Variants in RBMS3 observed in about 807,000 individuals in gnomAD.
RBMS3 encodes the protein RNA-binding motif, single-stranded-interacting protein 3.
Under a neutral mutation model 66.8 loss-of-function variants are expected in RBMS3, and 27 were observed. That is an observed-to-expected ratio of 0.40 (90% CI 0.30 to 0.56). The LOEUF (loss-of-function observed/expected upper bound fraction) is 0.56, where lower values mean the gene tolerates loss of function less well. RBMS3 is among the 20% of genes least tolerant of loss of function. RBMS3 has a pLI of 0.40. For missense variants in RBMS3, 513 were observed against 549.5 expected (o/e 0.93, Z 0.66); for synonymous variants, 188 against 183.0 (o/e 1.03, Z -0.22).
intron 2 of RBMS3, among the ~76,000 whole-genome samples, chr3:29,478,655 A>T (rs1259587924): frequency 6.6e-6 from 1 of 152,220 alleles, no homozygotes; most frequent in Non-Finnish European, 1.5e-5. Flanking sequence ...TGCAGATTTA[A>T]TGGAGTTTTC....
intron 4 of RBMS3, among the ~76,000 whole-genome samples, chr3:29,652,633 T>G (rs1169729320): frequency 2.0e-5 from 3 of 152,108 alleles, no homozygotes; most frequent in Non-Finnish European, 4.4e-5. Flanking sequence ...GTTTCTAAAT[T>G]GATCCATGCA....
At chr3:29,477,942 T>A (rs1450734163) in intron 2 of RBMS3, among the ~76,000 whole-genome samples, 2 of 151,970 alleles carry the variant, frequency 1.3e-5, no homozygotes, top group African/African-American at 2.4e-5. Flanking sequence ...AGTTTTGTAT[T>A]TTTTTCTGTA....
intron 10 of RBMS3, among the ~76,000 whole-genome samples, chr3:29,900,589 G>A (rs1461090279): frequency 6.6e-6 from 1 of 151,688 alleles, no homozygotes; most frequent in Non-Finnish European, 1.5e-5. Context: ...GAGGGTGTGA[G>A]GCAGGGGAAA....
chr3:29,829,079 C>A (rs1006531638), intron 6 of RBMS3, among the ~76,000 whole-genome samples: 2 of 151,398 alleles, frequency 1.3e-5, no homozygotes, highest in Non-Finnish European at 2.9e-5. Context: ...GAGTCTCACT[C>A]TGTCACCCAG....
At chr3:29,472,798 C>T (rs998819694) in intron 2 of RBMS3, among the ~76,000 whole-genome samples, 2 of 152,106 alleles carry the variant, frequency 1.3e-5, no homozygotes, top group Non-Finnish European at 2.9e-5. Flanking sequence ...GAGTGAGCAG[C>T]AGCAAGATTT....
chr3:29,352,913 A>G (rs1218790016), intron 1 of RBMS3, among the ~76,000 whole-genome samples: 1 of 148,868 alleles, frequency 6.7e-6, no homozygotes, highest in African/African-American at 2.5e-5. Context: ...ACTGTAAATG[A>G]CATACATTCA....
chr3:29,391,028 T>A, intron 1 of RBMS3: 1 of 393,170 alleles, frequency 2.5e-6, no homozygotes, highest in Non-Finnish European at 5.5e-6. Flanking sequence ...GCTTTGTATG[T>A]CAAGTTGGTG....
intron 1 of RBMS3, among the ~76,000 whole-genome samples, chr3:29,360,673 T>C (rs1233210428): frequency 1.3e-5 from 2 of 152,032 alleles, no homozygotes. Flanking sequence ...TATTATTGTG[T>C]GGGAGTCTAA....
chr3:29,945,612 T>C (rs1194483519), intron 12 of RBMS3, among the ~76,000 whole-genome samples: 1 of 151,780 alleles, frequency 6.6e-6, no homozygotes, highest in Non-Finnish European at 1.5e-5. Context: ...ACATCTACTC[T>C]TGGTAATTTA....
At chr3:29,635,192 A>G (rs1287567120) in intron 4 of RBMS3, among the ~76,000 whole-genome samples, 1 of 151,792 alleles carries the variant, frequency 6.6e-6, no homozygotes, top group Non-Finnish European at 1.5e-5. Flanking sequence ...TTTCCATATC[A>G]AATCTTTCTC....
intron 4 of RBMS3, among the ~76,000 whole-genome samples, chr3:29,594,669 G>A (rs945982078): frequency 3.9e-5 from 6 of 152,198 alleles, no homozygotes; most frequent in African/African-American, 1.2e-4. Flanking sequence ...TCTTTTACAT[G>A]TCTATAAAAT....
chr3:29,479,733 G>A lies in RBMS3; in HGVS notation c.249-8708G>A, dbSNP rs78397410. Among the ~76,000 whole-genome samples the A allele has an allele frequency of 4.8e-3, 729 of 152,268 alleles. 8 individuals carry two copies. The highest frequency in any genetic ancestry group is 0.017 in the African/African-American group (697 of 41,552). On this transcript the variant is annotated intron_variant, in intron 2 of 14. Transcript: ENST00000383767. Reference sequence around the variant, plus strand: ...AGATTCTTCAGGCTCAGTCAGCTTGGAAATTTTTTTATTTTTCCTTTGCAT... The same window carrying A: ...AGATTCTTCAGGCTCAGTCAGCTTGAAAATTTTTTTATTTTTCCTTTGCAT...
intron 3 of RBMS3, among the ~76,000 whole-genome samples, chr3:29,544,889 G>C (rs1231841127): frequency 1.3e-5 from 2 of 152,078 alleles, no homozygotes; most frequent in Non-Finnish European, 2.9e-5. Flanking sequence ...AACTATATAT[G>C]CTAATAAAGG....
intron 6 of RBMS3, among the ~76,000 whole-genome samples, chr3:29,775,945 T>C (rs1319990659): frequency 2.6e-5 from 4 of 152,050 alleles, no homozygotes; most frequent in African/African-American, 9.7e-5. Flanking sequence ...CTAAGGAAAG[T>C]AATTCTCTAG....
chr3:29,802,858 T>C (rs1018832458), intron 6 of RBMS3, among the ~76,000 whole-genome samples: 2 of 152,152 alleles, frequency 1.3e-5, no homozygotes, highest in African/African-American at 4.8e-5. Flanking sequence ...AGTGTGTATA[T>C]TCATACATTT....
intron 4 of RBMS3, among the ~76,000 whole-genome samples, chr3:29,598,059 C>G (rs975174487): frequency 6.6e-6 from 1 of 152,048 alleles, no homozygotes; most frequent in Non-Finnish European, 1.5e-5. Context: ...ATAAATCACA[C>G]TCCATGAGAA....
At chr3:29,758,909 G>A (rs897830181) in intron 5 of RBMS3, among the ~76,000 whole-genome samples, 1 of 152,134 alleles carries the variant, frequency 6.6e-6, no homozygotes, top group Non-Finnish European at 1.5e-5. Flanking sequence ...CAGAGCCTGT[G>A]ATTGCAAAAC....
chr3:29,388,354 G>T (rs1425330297), intron 1 of RBMS3, among the ~76,000 whole-genome samples: 2 of 152,142 alleles, frequency 1.3e-5, no homozygotes, highest in Admixed American at 1.3e-4. Context: ...AAGAGTCCGT[G>T]ATATATAGAT....
chr3:29,444,399 C>G (rs911030226), intron 2 of RBMS3, among the ~76,000 whole-genome samples: 1 of 151,970 alleles, frequency 6.6e-6, no homozygotes, highest in Non-Finnish European at 1.5e-5. Flanking sequence ...CATCTCTTAA[C>G]CATGATCCAT....
Sources: allele counts gnomAD v4.1 joint callset (sites outside exome capture counted in the v4.1 genomes callset), GRCh38; gene constraint gnomAD v4.1.1; transcripts MANE v1.5; gene names NCBI Gene and HGNC (gene_info 2026-07-23, HGNC 2026-07-21).